KCNIP4: variants seen among roughly 807,000 people sequenced by gnomAD.
The protein encoded by KCNIP4 is potassium voltage-gated channel interacting protein 4.
KCNIP4 carries 12 observed loss-of-function variants against 34.0 expected under a neutral mutation model. That is an observed-to-expected ratio of 0.35 (90% CI 0.23 to 0.57). KCNIP4 has a LOEUF of 0.57. Ranked by LOEUF, KCNIP4 falls within the 20% of genes least tolerant of loss-of-function variation. The pLI, the probability that KCNIP4 is intolerant of heterozygous loss-of-function variation, is 0.83. For missense variants in KCNIP4, 238 were observed against 311.7 expected, an observed-to-expected ratio of 0.76 and a Z score of 1.78; for synonymous variants, 124 against 102.2, an observed-to-expected ratio of 1.21 and a Z score of -1.29.
chr4:20,839,495 T>TAG (rs3078576), intron 3 of KCNIP4, among the ~76,000 whole-genome samples: 51,927 of 109,328 alleles, frequency 0.47, 9,562 homozygotes, highest in South Asian at 0.55. Flanking sequence ...ATATCTATAT[T>TAG]ATATATATAT....
chr4:21,945,943 A>G (rs1049443435), intron 1 of KCNIP4, among the ~76,000 whole-genome samples: 2 of 149,700 alleles, frequency 1.3e-5, no homozygotes, highest in African/African-American at 4.9e-5. Context: ...CAACTCACCC[A>G]TTTTCTGTCC....
At chr4:21,800,240 T>C (rs1199436204) in intron 1 of KCNIP4, among the ~76,000 whole-genome samples, 4 of 152,218 alleles carry the variant, frequency 2.6e-5, no homozygotes, top group Non-Finnish European at 5.9e-5. Flanking sequence ...ACTGGGAATT[T>C]TGATTATGCT....
intron 1 of KCNIP4, among the ~76,000 whole-genome samples, chr4:21,151,406 A>ATTTTT (rs35983306): frequency 9.8e-5 from 5 of 51,272 alleles, no homozygotes; most frequent in Admixed American, 5.2e-4. Context: ...ACAAAAGACA[A>ATTTTT]TTTTTTTTTT....
At chr4:21,710,725 C>A (rs1013229862) in intron 1 of KCNIP4, among the ~76,000 whole-genome samples, 1 of 152,098 alleles carries the variant, frequency 6.6e-6, no homozygotes, top group African/African-American at 2.4e-5. Context: ...CTTCAGGTTT[C>A]AATCTCCTGA....
chr4:21,473,599 G>C (rs568694528), intron 1 of KCNIP4, among the ~76,000 whole-genome samples: 1 of 152,208 alleles, frequency 6.6e-6, no homozygotes, highest in African/African-American at 2.4e-5. Flanking sequence ...CATTTAATTA[G>C]AGTATATATC....
At chr4:20,850,835 A>C in intron 2 of KCNIP4, 168 bp from the exon 3 acceptor site, 1 of 619,466 alleles carries the variant, frequency 1.6e-6, no homozygotes, top group South Asian at 4.3e-5. Flanking sequence ...GTTTAAGCGT[A>C]TTAAGCTAAA....
chr4:21,158,404 G>A (rs996448783), intron 1 of KCNIP4, among the ~76,000 whole-genome samples: 2 of 152,018 alleles, frequency 1.3e-5, no homozygotes, highest in African/African-American at 4.8e-5. Context: ...AATTTCTAAA[G>A]AAAATGCCAG....
intron 1 of KCNIP4, among the ~76,000 whole-genome samples, chr4:21,629,346 C>G (rs1745552148): frequency 6.6e-6 from 1 of 152,120 alleles, no homozygotes. Flanking sequence ...AGCTAATGTA[C>G]AAGAAAATTA....
At chr4:21,891,091 A>G (rs1382421086) in intron 1 of KCNIP4, among the ~76,000 whole-genome samples, 1 of 152,084 alleles carries the variant, frequency 6.6e-6, no homozygotes, top group African/African-American at 2.4e-5. Flanking sequence ...GGAGGTTCAG[A>G]TGTTCCTCAT....
chr4:20,900,757 C>T (rs1231813840), intron 1 of KCNIP4, among the ~76,000 whole-genome samples: 2 of 151,610 alleles, frequency 1.3e-5, no homozygotes, highest in African/African-American at 4.8e-5. Context: ...TGTCAACAGA[C>T]TTTATTGGTT....
intron 3 of KCNIP4, among the ~76,000 whole-genome samples, chr4:20,841,049 A>C (rs1336899688): frequency 2.0e-5 from 3 of 152,190 alleles, no homozygotes; most frequent in African/African-American, 7.2e-5. Context: ...AAACAAATAG[A>C]AGGTGTTAAA....
chr4:21,637,958 G>C (rs982404626), intron 1 of KCNIP4, among the ~76,000 whole-genome samples: 1 of 152,010 alleles, frequency 6.6e-6, no homozygotes, highest in Non-Finnish European at 1.5e-5. Context: ...TAATGTCCAT[G>C]CTCTTTCCTC....
intron 1 of KCNIP4, among the ~76,000 whole-genome samples, chr4:21,106,447 C>G (rs1748543744): frequency 6.6e-6 from 1 of 151,370 alleles, no homozygotes; most frequent in Non-Finnish European, 1.5e-5. Flanking sequence ...GGTGATATCC[C>G]CTTTATCATT....
chr4:21,642,182 C>T (rs1355938295), intron 1 of KCNIP4, among the ~76,000 whole-genome samples: 1 of 152,148 alleles, frequency 6.6e-6, no homozygotes, highest in South Asian at 2.1e-4. Context: ...AATGAGACCA[C>T]AATCATGGAA....
At chr4:21,002,789 G>A (rs1365853042) in intron 1 of KCNIP4, among the ~76,000 whole-genome samples, 6 of 152,070 alleles carry the variant, frequency 3.9e-5, no homozygotes, top group African/African-American at 1.4e-4. Context: ...CAGAACAATG[G>A]GATTCAAGTC....
intron 1 of KCNIP4, among the ~76,000 whole-genome samples, chr4:21,894,752 T>C (rs574119926): frequency 6.6e-6 from 1 of 152,336 alleles, no homozygotes; most frequent in African/African-American, 2.4e-5. Context: ...CCAACAGAAG[T>C]TGGTTTTTTT....
chr4:21,444,156 C>T (rs1727748873), intron 1 of KCNIP4, among the ~76,000 whole-genome samples: 1 of 152,026 alleles, frequency 6.6e-6, no homozygotes, highest in African/African-American at 2.4e-5. Context: ...CAAAAAAAGT[C>T]CAGGACCAGA....
At chr4:21,767,517 A>C (rs949302605) in intron 1 of KCNIP4, among the ~76,000 whole-genome samples, 2 of 152,056 alleles carry the variant, frequency 1.3e-5, no homozygotes, top group Non-Finnish European at 2.9e-5. Flanking sequence ...TTTATTGCCA[A>C]TTATGCAATA....
intron 1 of KCNIP4, among the ~76,000 whole-genome samples, chr4:21,262,236 G>T (rs1577982541): frequency 2.0e-5 from 3 of 151,980 alleles, no homozygotes; most frequent in African/African-American, 7.3e-5. Context: ...CATCTCATCA[G>T]ATACCACCCC....
Sources: allele counts gnomAD v4.1 joint callset (sites outside exome capture counted in the v4.1 genomes callset), GRCh38; gene constraint gnomAD v4.1.1; transcripts MANE v1.5; gene names NCBI Gene and HGNC (gene_info 2026-07-23, HGNC 2026-07-21).